Variants in OGDH observed in about 807,000 individuals in gnomAD.
OGDH encodes the protein oxoglutarate dehydrogenase.
Under a neutral mutation model 116.6 loss-of-function variants are expected in OGDH, and 38 were observed. That is an observed-to-expected ratio of 0.33 (90% CI 0.25 to 0.43). The LOEUF (loss-of-function observed/expected upper bound fraction) is 0.43. OGDH is among the 20% of genes least tolerant of loss of function. The probability of loss-of-function intolerance (pLI) is 1.00; values close to 1 mark genes in which losing one functional copy is unlikely to be tolerated. For missense variants in OGDH, 825 were observed against 1,357.2 expected, an observed-to-expected ratio of 0.61 and a Z score of 6.16; for synonymous variants, 488 against 533.3, an observed-to-expected ratio of 0.92 and a Z score of 1.17.
chr7:44,642,625 T>C (rs982411060), intron 2 of OGDH, among the ~76,000 whole-genome samples: 3 of 152,148 alleles, frequency 2.0e-5, no homozygotes, highest in African/African-American at 7.2e-5. Flanking sequence ...TAGTTTGATT[T>C]GTAAAAACAT....
intron 9 of OGDH, 122 bp from the exon 10 acceptor site, chr7:44,681,598 C>G (rs981351407): frequency 2.2e-6 from 3 of 1,376,266 alleles, no homozygotes; most frequent in East Asian, 4.6e-5. Flanking sequence ...CTGCTACTTT[C>G]TATGTTTGAA....
At position 44,707,970 on chromosome 7, in the gene OGDH, G is replaced by C; in HGVS notation, c.3043G>C (p.Asp1015His). Residue 1015 changes from aspartate to histidine, a missense_variant, in exon 23 of 23, where the codon GAC (aspartate) becomes CAC (histidine). Transcript: ENST00000222673. The surrounding 1 kb of genome is among the most constrained non-coding windows in gnomAD (Gnocchi z 5.2). ...ELQRLLDTAFDLDVFKNFS is the reference protein window; with the variant it reads ...ELQRLLDTAFHLDVFKNFS The stretch of plus-strand genomic sequence containing the variant: ...GCAGCGCCTCCTGGACACGGCCTTC[G>C]ACCTGGACGTCTTCAAGAACTTCTC... The C allele has an allele frequency of 6.2e-7, 1 of 1,613,674 alleles. No homozygotes were observed. The highest frequency in any genetic ancestry group is 8.5e-7 in the Non-Finnish European group (1 of 1,179,984).
chr7:44,665,611 C>T (rs1357736543), intron 4 of OGDH, among the ~76,000 whole-genome samples: 1 of 152,170 alleles, frequency 6.6e-6, no homozygotes, highest in African/African-American at 2.4e-5. Flanking sequence ...GTGCTGGACA[C>T]TTATGGCTCC....
At chr7:44,660,103 G>A (rs1029142907) in intron 4 of OGDH, among the ~76,000 whole-genome samples, 2 of 152,078 alleles carry the variant, frequency 1.3e-5, no homozygotes, top group Non-Finnish European at 2.9e-5. Context: ...GTCCTACAAA[G>A]TTTGATATGT....
chr7:44,634,459 A>G (rs769503143), intron 2 of OGDH, among the ~76,000 whole-genome samples: 1 of 152,242 alleles, frequency 6.6e-6, no homozygotes, highest in Non-Finnish European at 1.5e-5. Context: ...TCATTCTGAT[A>G]TCAGTAGATT....
At chr7:44,624,115 C>T (rs988811801) in intron 1 of OGDH, among the ~76,000 whole-genome samples, 1 of 151,982 alleles carries the variant, frequency 6.6e-6, no homozygotes, top group South Asian at 2.1e-4. Flanking sequence ...GCAGGTAGCA[C>T]TCTTGTGAAT....
chr7:44,675,916 T>C, intron 8 of OGDH, 54 bp from the exon 9 acceptor site: 2 of 1,586,464 alleles, frequency 1.3e-6, no homozygotes, highest in African/African-American at 1.3e-5. Flanking sequence ...AGGGCTCTTT[T>C]GGAGACTGAG....
chr7:44,632,275 C>G (rs1785474516), intron 2 of OGDH, among the ~76,000 whole-genome samples: 1 of 151,986 alleles, frequency 6.6e-6, no homozygotes, highest in South Asian at 2.1e-4. Flanking sequence ...GAGGCTTACT[C>G]TAAATGAGGA....
intron 10 of OGDH, among the ~76,000 whole-genome samples, chr7:44,688,832 C>G (rs1316353934): frequency 6.6e-6 from 1 of 152,078 alleles, no homozygotes; most frequent in Non-Finnish European, 1.5e-5. Flanking sequence ...TCACTGCAAC[C>G]TCCACTTCCC....
intron 10 of OGDH, among the ~76,000 whole-genome samples, chr7:44,685,970 G>A (rs1788108580): frequency 6.6e-6 from 1 of 151,974 alleles, no homozygotes. Context: ...GAAGTGGAGT[G>A]GAATTGCTAC....
intron 12 of OGDH, 43 bp from the exon 13 acceptor site, chr7:44,695,982 C>A: frequency 9.1e-7 from 1 of 1,097,642 alleles, no homozygotes; most frequent in Non-Finnish European, 1.4e-6. Context: ...GTGCAGTAGT[C>A]ATGCCCTGTG....
At chr7:44,668,508 T>C (rs1050484943) in intron 5 of OGDH, among the ~76,000 whole-genome samples, 1 of 152,168 alleles carries the variant, frequency 6.6e-6, no homozygotes, top group Non-Finnish European at 1.5e-5. Flanking sequence ...TCCTGAAGTA[T>C]TGTCAGCATC....
intron 1 of OGDH, among the ~76,000 whole-genome samples, chr7:44,619,283 A>G (rs1349073452): frequency 6.6e-6 from 1 of 152,216 alleles, no homozygotes; most frequent in Non-Finnish European, 1.5e-5. Flanking sequence ...GGCCAGAAGT[A>G]CAAGTAAGAC....
At chr7:44,698,757 C>A (rs1316456112) in intron 18 of OGDH, among the ~76,000 whole-genome samples, 1 of 144,256 alleles carries the variant, frequency 6.9e-6, no homozygotes, top group African/African-American at 2.5e-5. Flanking sequence ...GGGAGGATTG[C>A]TTGAGCTTGG....
chr7:44,619,051 G>A (rs1056896296), intron 1 of OGDH, among the ~76,000 whole-genome samples: 1 of 152,198 alleles, frequency 6.6e-6, no homozygotes, highest in Non-Finnish European at 1.5e-5. Context: ...GATGGGGTAC[G>A]GAGAGCTTCT....
rs1789207129 is a variant in OGDH, at chr7:44,708,944, A to G, written c.*945A>G. The G allele has an allele frequency of 6.6e-6, 1 of 151,830 alleles. No homozygotes were observed. The highest frequency in any genetic ancestry group is 2.4e-5 in the African/African-American group (1 of 41,240). 9.4% of individuals were successfully genotyped at this position (151,830 alleles called of 1,614,324 possible). On this transcript the variant is annotated 3_prime_UTR_variant, in exon 23 of 23. Coordinates refer to ENST00000222673, the MANE Select transcript of OGDH (RefSeq NM_002541.4). The stretch of plus-strand genomic sequence containing the variant: ...ATGGCCAAGGGGCCAGCTGCCCCTC[A>G]TTTATCACTCTGACCTTCACAGGGA...
At chr7:44,641,225 CTTTTTTTTTTT>C (rs1175522868) in intron 2 of OGDH, among the ~76,000 whole-genome samples, 931 of 81,672 alleles carry the variant, frequency 0.011, 32 homozygotes, top group Admixed American at 0.093. Flanking sequence ...TTTTTTTTTT[CTTTTTTTTTTT>C]TTTTTTGGAA....
chr7:44,682,385 CAA>C (rs888406332), intron 10 of OGDH, among the ~76,000 whole-genome samples: 4 of 131,798 alleles, frequency 3.0e-5, no homozygotes, highest in Non-Finnish European at 3.3e-5. Flanking sequence ...AACTCCATTT[CAA>C]AAAAAAAAAA....
intron 19 of OGDH, among the ~76,000 whole-genome samples, chr7:44,701,003 A>G (rs547596570): frequency 1.8e-4 from 27 of 152,302 alleles, no homozygotes; most frequent in Non-Finnish European, 1.2e-4. Context: ...CAGCCTGGGC[A>G]ACAGAGCGAG....
Sources: gnomAD v4.1 joint callset for allele counts (sites outside exome capture counted in the v4.1 genomes callset) on GRCh38, gnomAD v4.1.1 for gene constraint, Gnocchi (gnomAD v3.1) non-coding constraint, MANE v1.5 for transcripts, NCBI Gene and HGNC (gene_info 2026-07-23, HGNC 2026-07-21) for gene names.